Variants in STYX observed in about 807,000 individuals in gnomAD.
The protein encoded by STYX is serine/threonine/tyrosine interacting protein, also known as serine/threonine/tyrosine-interacting protein.
A neutral mutation model predicts 42.7 loss-of-function variants in STYX; 20 were observed. That is an observed-to-expected ratio of 0.47 (90% CI 0.33 to 0.68). STYX has a LOEUF of 0.68. Among genes scored for constraint, STYX ranks in the 30% least tolerant of loss-of-function variants. The pLI is 0.02. For synonymous variants in STYX, 78 were observed against 81.9 expected (o/e 0.95, Z 0.26); for missense variants, 226 against 268.5 (o/e 0.84, Z 1.11).
intron 9 of STYX, among the ~76,000 whole-genome samples, chr14:52,764,017 G>C (rs1228560725): frequency 6.6e-6 from 1 of 152,148 alleles, no homozygotes; most frequent in Non-Finnish European, 1.5e-5. Context: ...TGTTGAGACA[G>C]AGTCTTGCTC....
intron 2 of STYX, among the ~76,000 whole-genome samples, chr14:52,745,723 C>T (rs1202185190): frequency 6.6e-6 from 1 of 152,134 alleles, no homozygotes; most frequent in African/African-American, 2.4e-5. Flanking sequence ...CTGTTTGCCC[C>T]AGGATTAAGC....
chr14:52,732,189 G>C (rs757509687), intron 1 of STYX, among the ~76,000 whole-genome samples: 5 of 148,296 alleles, frequency 3.4e-5, no homozygotes, highest in Non-Finnish European at 7.4e-5. Flanking sequence ...CCTCTGCCTC[G>C]GGTCCCGGTT....
In STYX at chr14:52,757,810, C is replaced by G. The variant is rs779709310; in HGVS notation, c.380+28C>G. ...ATGAAGTTAGAAATAATCTTTCTTT[C>G]TATAACATTTAATTAATGGGCTGTA... On this transcript the variant is annotated intron_variant, in intron 7 of 10. Coordinates refer to ENST00000354586, the MANE Select transcript of STYX (RefSeq NM_145251.4). 15 of 1,612,940 alleles carry G rather than the reference C, an allele frequency of 9.3e-6. No homozygotes were observed. The South Asian group carries it at 1.6e-4, about 18-fold the overall frequency.
intron 9 of STYX, among the ~76,000 whole-genome samples, chr14:52,765,312 G>A (rs927771964): frequency 2.6e-5 from 4 of 152,224 alleles, no homozygotes; most frequent in African/African-American, 4.8e-5. Flanking sequence ...TCCACCTCCC[G>A]AGTTCAAGTG....
In STYX at chr14:52,753,047, AT is replaced by A. The variant is rs959737468; in HGVS notation, c.242+2289del. On this transcript the variant is annotated intron_variant, in intron 4 of 10. Transcript: ENST00000354586. ...AGGCATGTGCCACCACACCCAGCTAATTTTTTTTTTTTTTTTTTTTTTGGAC... is the reference window on the plus strand; with the variant it reads ...AGGCATGTGCCACCACACCCAGCTAATTTTTTTTTTTTTTTTTTTTTGGAC... Among the ~76,000 whole-genome samples the A allele has an allele frequency of 8.0e-3, 712 of 88,662 alleles. 4 individuals carry two copies. Among genetic ancestry groups the A allele is most frequent in the African/African-American group, 0.016 (365 of 22,228 alleles). 58.2% of individuals were successfully genotyped at this position (88,662 alleles called of 152,430 possible).
At chr14:52,753,892 AT>A (rs56734068) in intron 4 of STYX, among the ~76,000 whole-genome samples, 1,410 of 77,090 alleles carry the variant, frequency 0.018, 1 homozygote, top group Non-Finnish European at 0.027. Context: ...CAAAACACTG[AT>A]TTTTTTTTTT....
At chr14:52,768,101 AC>A (rs879565797) in intron 9 of STYX, among the ~76,000 whole-genome samples, 1 of 151,986 alleles carries the variant, frequency 6.6e-6, no homozygotes, top group Non-Finnish European at 1.5e-5. Context: ...ATTTTAGGTC[AC>A]CTTTTTTAGC....
Position 52,771,714 on chromosome 14 carries a change from A to G in STYX, c.*608A>G, listed in dbSNP as rs541688941. On this transcript the variant is annotated 3_prime_UTR_variant, in exon 11 of 11. Transcript: ENST00000354586. ...TTCTTCCATTATTAATCTTTAAATC[A>G]TGATCCTAATTAGCTGTCCTTACTT... 6.6e-6 allele frequency: 1 copy of G among 152,622 alleles called. No individual in the cohort carries two copies. The highest frequency in any genetic ancestry group is 2.1e-4 in the South Asian group (1 of 4,824). 9.5% of individuals were successfully genotyped at this position (152,622 alleles called of 1,614,324 possible). A position where few individuals can be genotyped will look rare whatever the true frequency, so the allele number is the denominator to read the frequency against.
At chr14:52,758,327 C>G (rs924836122) in intron 8 of STYX, among the ~76,000 whole-genome samples, 4 of 152,166 alleles carry the variant, frequency 2.6e-5, no homozygotes, top group African/African-American at 9.7e-5. Context: ...CAAAAATCAT[C>G]TTTTCCAAGC....
At chr14:52,764,536 TCTA>T (rs1882223874) in intron 9 of STYX, among the ~76,000 whole-genome samples, 1 of 152,210 alleles carries the variant, frequency 6.6e-6, no homozygotes, top group South Asian at 2.1e-4. Context: ...TACAATCTTA[TCTA>T]TTATTATTTC....
At chr14:52,767,305 C>G (rs1263676954) in intron 9 of STYX, among the ~76,000 whole-genome samples, 6 of 152,152 alleles carry the variant, frequency 3.9e-5, no homozygotes, top group Non-Finnish European at 8.8e-5. Flanking sequence ...CTGCCAAAGT[C>G]CCCACATTAA....
intron 1 of STYX, among the ~76,000 whole-genome samples, chr14:52,741,630 G>A (rs1356453129): frequency 6.6e-6 from 1 of 151,994 alleles, no homozygotes; most frequent in Non-Finnish European, 1.5e-5. Context: ...GTAGAGACAG[G>A]GTTTCACCAT....
chr14:52,734,080 G>T (rs1273519830), intron 1 of STYX, among the ~76,000 whole-genome samples: 1 of 152,198 alleles, frequency 6.6e-6, no homozygotes, highest in Non-Finnish European at 1.5e-5. Flanking sequence ...ACCATTCAGT[G>T]GCTAGAGTGA....
rs76769821 is a variant in STYX at position 52,750,666 on chromosome 14, C to T, written c.145-17C>T. ...ATTTATCTTCCCTGTCCTCCCCCTG[C>T]TTTTTTTTTTATACAGCTACCTGTA... On this transcript the variant is annotated splice_polypyrimidine_tract_variant and intron_variant, in intron 3 of 10. Coordinates refer to ENST00000354586, the MANE Select transcript of STYX (RefSeq NM_145251.4). 1 of 1,239,120 alleles carries T rather than the reference C, an allele frequency of 8.1e-7. No individual in the cohort carries two copies. Among genetic ancestry groups the T allele is most frequent in the Non-Finnish European group, 1.1e-6 (1 of 905,180 alleles). The allele number at this position is 1,239,120 out of a possible 1,614,324, so 76.8% of individuals were successfully genotyped here. A position where few individuals can be genotyped will look rare whatever the true frequency, so the allele number is the denominator to read the frequency against.
In STYX at chr14:52,730,184, T is replaced by C; in HGVS notation, c.-291T>C. On this transcript the variant is annotated 5_prime_UTR_variant, in exon 1 of 11. Coordinates refer to ENST00000354586, the MANE Select transcript of STYX (RefSeq NM_145251.4). ...GGGAGACGGTTGTCGGGCTGGTTCCTGTGCTGGATCCTGGGCGGCCTGAGG... is the reference window on the plus strand; with the variant it reads ...GGGAGACGGTTGTCGGGCTGGTTCCCGTGCTGGATCCTGGGCGGCCTGAGG... 2.1e-6 allele frequency: 1 copy of C among 466,680 alleles called. No individual in the cohort carries two copies. Among genetic ancestry groups the C allele is most frequent in the Non-Finnish European group, 3.8e-6 (1 of 261,946 alleles). 28.9% of individuals were successfully genotyped at this position (466,680 alleles called of 1,614,324 possible).
chr14:52,750,658 TC>T, intron 3 of STYX, 24 bp from the exon 4 acceptor site: 1 of 1,383,890 alleles, frequency 7.2e-7, no homozygotes, highest in Admixed American at 2.2e-5. Flanking sequence ...TTCCCTGTCC[TC>T]CCCCTGCTTT....
intron 1 of STYX, among the ~76,000 whole-genome samples, chr14:52,733,414 C>T (rs1880813271): frequency 6.6e-6 from 1 of 152,020 alleles, no homozygotes; most frequent in Admixed American, 6.6e-5. Flanking sequence ...AACTGAATGT[C>T]CCATAATTCA....
chr14:52,760,079 G>C (rs1387883953), intron 9 of STYX, among the ~76,000 whole-genome samples: 1 of 152,062 alleles, frequency 6.6e-6, no homozygotes, highest in Non-Finnish European at 1.5e-5. Flanking sequence ...GGTGGTGCAT[G>C]GCTGTGGTCC....
chr14:52,759,801 C>A, intron 9 of STYX, 47 bp downstream of exon 9: 2 of 1,248,154 alleles, frequency 1.6e-6, no homozygotes, highest in Non-Finnish European at 2.3e-6. Context: ...GATATAAAAT[C>A]TTTTATACAT....
Sources: gnomAD v4.1 joint callset for allele counts (sites outside exome capture counted in the v4.1 genomes callset) on GRCh38, gnomAD v4.1.1 for gene constraint, MANE v1.5 for transcripts, NCBI Gene and HGNC (gene_info 2026-07-23, HGNC 2026-07-21) for gene names.